Variants in VIL1 observed in about 807,000 individuals in gnomAD.
VIL1 encodes villin 1.
Under a neutral mutation model 104.0 loss-of-function variants are expected in VIL1, and 86 were observed. The ratio of observed to expected loss-of-function variants is 0.83; its 90% confidence interval spans 0.69 to 0.99. The LOEUF (loss-of-function observed/expected upper bound fraction) is 0.99. Ranked by LOEUF, VIL1 falls within the 50% of genes least tolerant of loss-of-function variation. The pLI, the probability that VIL1 is intolerant of heterozygous loss-of-function variation, is 0.00. For missense variants in VIL1, 944 were observed against 1,054.1 expected, an observed-to-expected ratio of 0.90 and a Z score of 1.45; for synonymous variants, 394 against 412.6, an observed-to-expected ratio of 0.95 and a Z score of 0.55.
In VIL1 at chr2:218,452,156, G is replaced by C. The variant is rs1343346281; in HGVS notation, c.*2820G>C. ...AAATTCCAACAAAGATCAAAAGGTT[G>C]TATCTAGAACTAATTGCCATCAAGT... is the stretch of plus-strand genomic sequence containing the variant. On this transcript the variant is annotated 3_prime_UTR_variant, in exon 20 of 20. Transcript: ENST00000248444. 6.6e-6 allele frequency: 1 copy of C among 152,194 alleles called. No individual in the cohort carries two copies. The highest frequency in any genetic ancestry group is 2.4e-5 in the African/African-American group (1 of 41,424). 9.4% of individuals were successfully genotyped at this position (152,194 alleles called of 1,614,324 possible). A position where few individuals can be genotyped will look rare whatever the true frequency, so the allele number is the denominator to read the frequency against.
At position 218,437,162 on chromosome 2, in the gene VIL1, G is replaced by A. The variant is rs768110327; in HGVS notation, c.2010G>A (p.Glu670=). The change falls in exon 17 of 20, where the codon GAG becomes GAA. Residue 670 remains glutamate (E), a synonymous_variant. Transcript: ENST00000248444. ...TTGGGAAACATGCCAACGAGGAGGA[G>A]AAGAAGGCCGCAGCAACCACTGCAC... is the stretch of plus-strand genomic sequence containing the variant. ...FWIGKHANEE[E]KKAAATTAQE... is the part of the protein sequence containing the mutation. 1.2e-6 allele frequency: 2 copies of A among 1,614,056 alleles called. No homozygotes were observed. Among genetic ancestry groups the A allele is most frequent in the South Asian group, 2.2e-5 (2 of 91,090 alleles).
chr2:218,430,427 C>T (rs1208669006), intron 9 of VIL1, among the ~76,000 whole-genome samples: 4 of 151,960 alleles, frequency 2.6e-5, no homozygotes, highest in Non-Finnish European at 4.4e-5. Context: ...TCACATTAGG[C>T]GTTAGATTTG....
chr2:218,448,338 G>T (rs1353403394), intron 19 of VIL1, among the ~76,000 whole-genome samples: 1 of 152,142 alleles, frequency 6.6e-6, no homozygotes, highest in African/African-American at 2.4e-5. Flanking sequence ...GTCAAGGCGG[G>T]CAGATCACTT....
intron 9 of VIL1, 34 bp from the exon 10 acceptor site, chr2:218,430,691 G>A (rs1426263486): frequency 7.7e-6 from 12 of 1,553,350 alleles, no homozygotes; most frequent in East Asian, 2.3e-5. Flanking sequence ...ACTAGGGGAG[G>A]TGCATAGCTT....
chr2:218,421,042 A>G (rs1221473916), intron 1 of VIL1, among the ~76,000 whole-genome samples: 1 of 152,080 alleles, frequency 6.6e-6, no homozygotes, highest in Non-Finnish European at 1.5e-5. Context: ...CAGGATGCAG[A>G]GGGGCCCCTT....
chr2:218,443,270 C>T (rs1254462535), intron 19 of VIL1, among the ~76,000 whole-genome samples: 2 of 150,092 alleles, frequency 1.3e-5, no homozygotes, highest in Non-Finnish European at 2.9e-5. Flanking sequence ...GCGATCTCGG[C>T]TCACTGCAAC....
rs1404776748 is a variant in VIL1 at position 218,452,681 on chromosome 2, CATGAAAGCT to C, written c.*3354_*3362del. On this transcript the variant is annotated 3_prime_UTR_variant, in exon 20 of 20. Transcript: ENST00000248444. ...TAAGTGTACTTCTAAACCATACACA[CATGAAAGCT>C]ATGAAAGCAATTCAAATGAGGCTGC... 6.6e-6 allele frequency: 1 copy of C among 152,190 alleles called. No homozygotes were observed. Among genetic ancestry groups the C allele is most frequent in the African/African-American group, 2.4e-5 (1 of 41,450 alleles). 9.4% of individuals were successfully genotyped at this position (152,190 alleles called of 1,614,324 possible).
rs374781346 is a variant in VIL1 at position 218,432,147 on chromosome 2, C to T, written c.1305C>T (p.Ile435=). Reference sequence around the variant, plus strand: ...ACCTGCTGCTCTACACCTACCTCATCGGCGAGAAGCAGCATTACCTGCTCT... The same window carrying T: ...ACCTGCTGCTCTACACCTACCTCATTGGCGAGAAGCAGCATTACCTGCTCT... ...DCYLLLYTYL[I]GEKQHYLLYV... Residue 435 remains isoleucine (I), a synonymous_variant, in exon 12 of 20, where the codon ATC becomes ATT. Transcript: ENST00000248444. 8.4e-5 allele frequency: 136 copies of T among 1,614,008 alleles called. No individual in the cohort carries two copies. The highest frequency in any genetic ancestry group is 7.1e-4 in the South Asian group (65 of 91,078).
At position 218,450,635 on chromosome 2, in the gene VIL1, CA is replaced by C. The variant is rs1313611898; in HGVS notation, c.*1300del. 7 of 152,584 alleles carry C rather than the reference CA, an allele frequency of 4.6e-5. No homozygotes were observed. In the East Asian group the frequency reaches 1.3e-3, roughly 29 times the overall value. The allele number at this position is 152,584 out of a possible 1,614,324, so 9.5% of individuals were successfully genotyped here. ...CCTGGGGACAAGAGGTGTGCACACCCACATGTGGTCTCACTCTTCACACAGG... is the reference window on the plus strand; with the variant it reads ...CCTGGGGACAAGAGGTGTGCACACCCCATGTGGTCTCACTCTTCACACAGG... On this transcript the variant is annotated 3_prime_UTR_variant, in exon 20 of 20. Transcript: ENST00000248444.
In VIL1 at chr2:218,441,636, C is replaced by T. The variant is rs116002540; in HGVS notation, c.2370+774C>T. Among the ~76,000 whole-genome samples the T allele has an allele frequency of 2.9e-3, 446 of 152,100 alleles. 2 individuals are homozygous for T. The highest frequency in any genetic ancestry group is 0.01 in the African/African-American group (427 of 41,502). On this transcript the variant is annotated intron_variant, in intron 19 of 19. Transcript: ENST00000248444. Reference sequence around the variant, plus strand: ...GTGCCTTCTACCCCAAGTTAAGGATCGTATCATGTATCCTGGTGGTGAAGG... The same window carrying T: ...GTGCCTTCTACCCCAAGTTAAGGATTGTATCATGTATCCTGGTGGTGAAGG...
At chr2:218,425,513 G>A in intron 3 of VIL1, 102 bp from the exon 4 acceptor site, 3 of 1,228,608 alleles carry the variant, frequency 2.4e-6, no homozygotes, top group South Asian at 1.4e-5. Context: ...CCTGTGCCAC[G>A]CTCCCCCATA....
intron 19 of VIL1, among the ~76,000 whole-genome samples, chr2:218,442,824 T>G (rs1184063871): frequency 1.3e-5 from 2 of 152,240 alleles, no homozygotes; most frequent in African/African-American, 2.4e-5. Flanking sequence ...TGTTAAGGGT[T>G]TCGGCTCAAT....
intron 19 of VIL1, among the ~76,000 whole-genome samples, chr2:218,442,218 T>C (rs987431966): frequency 6.6e-6 from 1 of 152,054 alleles, no homozygotes. Flanking sequence ...GAAGAGAAAA[T>C]AGCATCATTC....
intron 19 of VIL1, 71 bp from the exon 20 acceptor site, chr2:218,449,152 A>G: frequency 9.0e-7 from 1 of 1,110,962 alleles, no homozygotes; most frequent in Non-Finnish European, 1.4e-6. Flanking sequence ...CATCAGAGCA[A>G]ACGGTGCCTG....
chr2:218,421,866 G>C (rs897787829), intron 1 of VIL1, among the ~76,000 whole-genome samples: 1 of 152,202 alleles, frequency 6.6e-6, no homozygotes, highest in Non-Finnish European at 1.5e-5. Context: ...AGGCTTTAGA[G>C]ATCATCGATT....
At chr2:218,446,118 C>T (rs746921329) in intron 19 of VIL1, among the ~76,000 whole-genome samples, 4 of 152,166 alleles carry the variant, frequency 2.6e-5, no homozygotes, top group Non-Finnish European at 4.4e-5. Context: ...ATCCTTCCCC[C>T]GACCTCAGTT....
chr2:218,434,444 C>G, intron 13 of VIL1, 82 bp from the exon 14 acceptor site: 1 of 1,439,842 alleles, frequency 6.9e-7, no homozygotes, highest in African/African-American at 1.4e-5. Flanking sequence ...CCCCGCCCTA[C>G]CCTATCCCCC....
chr2:218,436,994 C>T, intron 16 of VIL1, 130 bp from the exon 17 acceptor site: 2 of 1,112,188 alleles, frequency 1.8e-6, no homozygotes, highest in Non-Finnish European at 2.6e-6. Flanking sequence ...TGATGCCTGC[C>T]CTAGGTCATT....
At chr2:218,440,680 T>A in intron 18 of VIL1, 42 bp from the exon 19 acceptor site, 1 of 1,611,214 alleles carries the variant, frequency 6.2e-7, no homozygotes, top group Non-Finnish European at 8.5e-7. Flanking sequence ...GAGGTAGCTG[T>A]GCACCAGCTA....
Sources: gnomAD v4.1 joint callset for allele counts (sites outside exome capture counted in the v4.1 genomes callset) on GRCh38, gnomAD v4.1.1 for gene constraint, MANE v1.5 for transcripts, NCBI Gene and HGNC (gene_info 2026-07-23, HGNC 2026-07-21) for gene names.